The following USP42 variants were observed in gnomAD, a reference collection of about 807,000 sequenced individuals.
USP42 encodes ubiquitin specific peptidase 42.
USP42 carries 23 observed loss-of-function variants against 113.0 expected under a neutral mutation model. That is an observed-to-expected ratio of 0.20 (90% CI 0.15 to 0.29). USP42 has a LOEUF of 0.29. Ranked by LOEUF, USP42 falls within the 10% of genes least tolerant of loss-of-function variation. The probability of loss-of-function intolerance (pLI) is 1.00; values close to 1 mark genes in which losing one functional copy is unlikely to be tolerated. For missense variants in USP42, 2,174 were observed against 1,779.8 expected (o/e 1.22, Z -3.99); for synonymous variants, 933 against 699.0 (o/e 1.33, Z -5.28).
chr7:6,149,204 C>G (rs1031944906), intron 12 of USP42, among the ~76,000 whole-genome samples: 1 of 152,104 alleles, frequency 6.6e-6, no homozygotes, highest in Non-Finnish European at 1.5e-5. Context: ...TGCTCCGAGG[C>G]GAGGGTGATT....
In USP42 at chr7:6,149,761, T is replaced by C. The variant is rs776794887; in HGVS notation, c.1565T>C (p.Ile522Thr). 6.2e-7 allele frequency: 1 copy of C among 1,613,920 alleles called. No homozygotes were observed. Among genetic ancestry groups the C allele is most frequent in the Admixed American group, 1.7e-5 (1 of 60,008 alleles). ...VIPEHPKKQK[I>T]TISIHNKLPV... ...CCAGAACATCCTAAGAAACAAAAAA[T>C]TACAATCAGTATTCACAACAAGTTG... Residue 522 changes from isoleucine to threonine, a missense_variant, in exon 13 of 18, where the codon ATT (isoleucine) becomes ACT (threonine). Coordinates refer to ENST00000306177, the MANE Select transcript of USP42 (RefSeq NM_032172.3).
chr7:6,114,959 G>T (rs1779834725), intron 2 of USP42, among the ~76,000 whole-genome samples: 1 of 151,742 alleles, frequency 6.6e-6, no homozygotes, highest in South Asian at 2.1e-4. Flanking sequence ...CAAAGTGCTG[G>T]GATTATAGGC....
intron 3 of USP42, among the ~76,000 whole-genome samples, chr7:6,124,998 T>G (rs1022750867): frequency 6.6e-6 from 1 of 151,690 alleles, no homozygotes; most frequent in African/African-American, 2.4e-5. Context: ...CTGGCCAATA[T>G]AGCAAAACCC....
intron 6 of USP42, 85 bp downstream of exon 6, chr7:6,140,280 G>A: frequency 7.9e-7 from 1 of 1,269,388 alleles, no homozygotes; most frequent in Non-Finnish European, 1.1e-6. Context: ...GTCCTACTAG[G>A]AAGGAAGGAA....
At chr7:6,109,925 G>A (rs1779503426) in intron 1 of USP42, among the ~76,000 whole-genome samples, 1 of 150,792 alleles carries the variant, frequency 6.6e-6, no homozygotes, top group South Asian at 2.1e-4. Context: ...GGTCTCAAAC[G>A]CCTGACCTCA....
chr7:6,141,199 T>TC (rs1221012906), intron 7 of USP42, among the ~76,000 whole-genome samples: 1 of 150,108 alleles, frequency 6.7e-6, no homozygotes, highest in Admixed American at 6.6e-5. Flanking sequence ...TCTTTTTCTT[T>TC]TCTTTTTTTT....
the USP42 span, among the ~76,000 whole-genome samples, chr7:6,092,048 TTCTTCTTTC>T: frequency 6.4e-5 from 5 of 78,266 alleles, no homozygotes; most frequent in East Asian, 1.0e-3. Context: ...CTTCTTCTTC[TTCTTCTTTC>T]TTCTTCTTCT....
intron 3 of USP42, among the ~76,000 whole-genome samples, chr7:6,125,020 A>G (rs1000248429): frequency 6.6e-6 from 1 of 151,778 alleles, no homozygotes; most frequent in African/African-American, 2.4e-5. Flanking sequence ...GTCTCTACTG[A>G]AAATACAAAA....
chr7:6,148,164 C>T (rs1781829057), intron 12 of USP42, among the ~76,000 whole-genome samples: 1 of 152,064 alleles, frequency 6.6e-6, no homozygotes, highest in East Asian at 1.9e-4. Context: ...AGGGTGAAAC[C>T]CCGTCTCCAC....
intron 3 of USP42, among the ~76,000 whole-genome samples, chr7:6,122,327 C>G (rs1291553654): frequency 1.3e-5 from 2 of 149,602 alleles, no homozygotes; most frequent in African/African-American, 4.9e-5. Context: ...ACTCTGTTGC[C>G]TAGGCTGGAG....
chr7:6,130,315 G>T (rs529027027), intron 3 of USP42, among the ~76,000 whole-genome samples: 3 of 152,252 alleles, frequency 2.0e-5, no homozygotes, highest in Non-Finnish European at 4.4e-5. Flanking sequence ...ATTGGGGATC[G>T]TTGTCCCTGC....
rs1562859697 is a variant in USP42 at position 6,155,207 on chromosome 7, GCCTTGTGCT to G, written c.3641+15_3641+23del. ...GACCGCGACTCCAGGTGAGCCTGGGGCCTTGTGCTCCCCGAGGCGCTGGCGCTGCTGTCA... is the reference window on the plus strand; with the variant it reads ...GACCGCGACTCCAGGTGAGCCTGGGGCCCCGAGGCGCTGGCGCTGCTGTCA... On this transcript the variant is annotated intron_variant, in intron 15 of 17. Transcript: ENST00000306177. 6.6e-7 allele frequency: 1 copy of G among 1,517,410 alleles called. No individual in the cohort carries two copies. Among genetic ancestry groups the G allele is most frequent in the Non-Finnish European group, 8.8e-7 (1 of 1,139,866 alleles). The allele number at this position is 1,517,410 out of a possible 1,614,324, so 94.0% of individuals were successfully genotyped here. A position where few individuals can be genotyped will look rare whatever the true frequency, so the allele number is the denominator to read the frequency against.
At chr7:6,115,668 C>G (rs924433661) in intron 3 of USP42, 145 bp downstream of exon 3, 2 of 997,868 alleles carry the variant, frequency 2.0e-6, no homozygotes, top group African/African-American at 1.6e-5. Context: ...AGGAGGAGGA[C>G]TCAGGATTGG....
chr7:6,101,638 G>GT (rs1469984147), upstream of USP42, among the ~76,000 whole-genome samples: 4 of 150,946 alleles, frequency 2.6e-5, no homozygotes, highest in South Asian at 2.1e-4. Flanking sequence ...GTTTGCTAGA[G>GT]TAAGTGGTGC....
chr7:6,122,196 C>T (rs1201481152), intron 3 of USP42, among the ~76,000 whole-genome samples: 1 of 151,644 alleles, frequency 6.6e-6, no homozygotes, highest in African/African-American at 2.4e-5. Context: ...TTCTTCTTTT[C>T]CAATGTAAGT....
chr7:6,144,497 C>T (rs570568051), intron 9 of USP42, among the ~76,000 whole-genome samples: 14 of 152,250 alleles, frequency 9.2e-5, no homozygotes, highest in Middle Eastern at 3.4e-3. Context: ...CCATTTTCTT[C>T]CCACTTTCTG....
At position 6,150,421 on chromosome 7, in the gene USP42, G is replaced by C. The variant is rs1781977765; in HGVS notation, c.2116G>C (p.Ala706Pro). 2.5e-6 allele frequency: 4 copies of C among 1,613,764 alleles called. No individual in the cohort carries two copies. In the South Asian group the frequency reaches 4.4e-5, roughly 18 times the overall value. The change falls in exon 14 of 18, where the codon GCT becomes CCT. Residue 706 changes from alanine (A) to proline (P), a missense_variant. Physicochemically the swap from Ala to Pro is conservative, Grantham distance 27. Coordinates refer to ENST00000306177, the MANE Select transcript of USP42 (RefSeq NM_032172.3). ...TTTGTTTTTATTGCAGTTGATGCCT[G>C]CTCCTTTGCTGTCTCTCCCAGAAGA... is the stretch of plus-strand genomic sequence containing the variant. ...ANGLPGKLMPAPLLSLPEDKI... is the reference protein window; with the variant it reads ...ANGLPGKLMPPPLLSLPEDKI...
intron 9 of USP42, among the ~76,000 whole-genome samples, chr7:6,145,273 G>A (rs900138525): frequency 2.0e-5 from 3 of 151,780 alleles, no homozygotes; most frequent in Non-Finnish European, 4.4e-5. Flanking sequence ...GGAGCTTCCA[G>A]TGAGCTGAGA....
chr7:6,122,127 T>G (rs1342846305), intron 3 of USP42, among the ~76,000 whole-genome samples: 1 of 152,222 alleles, frequency 6.6e-6, no homozygotes, highest in Non-Finnish European at 1.5e-5. Flanking sequence ...TACTTTGGAT[T>G]TAATGTGCTC....
Sources: gnomAD v4.1 joint callset for allele counts (sites outside exome capture counted in the v4.1 genomes callset) on GRCh38, gnomAD v4.1.1 for gene constraint, MANE v1.5 for transcripts, NCBI Gene and HGNC (gene_info 2026-07-23, HGNC 2026-07-21) for gene names.